The following SART1 variants were observed in gnomAD, a reference collection of about 807,000 sequenced individuals.
The protein encoded by SART1 is spliceosome associated factor 1, recruiter of U4/U6.U5 tri-snRNP.
A neutral mutation model predicts 105.0 loss-of-function variants in SART1; 28 were observed. That is an observed-to-expected ratio of 0.27 (90% CI 0.20 to 0.37). SART1 has a LOEUF of 0.37. Ranked by LOEUF, SART1 falls within the 10% of genes least tolerant of loss-of-function variation. SART1 has a pLI of 1.00. For synonymous variants in SART1, 472 were observed against 462.9 expected, an observed-to-expected ratio of 1.02 and a Z score of -0.25; for missense variants, 894 against 1,106.5, an observed-to-expected ratio of 0.81 and a Z score of 2.72.
chr11:65,962,130 C>CGGGGGTGGGGGGGGGGGGGGGG (rs2134899498), intron 1 of SART1, 37 bp downstream of exon 1: 6 of 111,086 alleles, frequency 5.4e-5, no homozygotes, highest in Middle Eastern at 2.8e-3. Flanking sequence ...GCGGGTCGGG[C>CGGGGGTGGGGGGGGGGGGGGGG]GGGGGTCCCG....
chr11:65,963,903 G>A (rs186432084), intron 1 of SART1, 171 bp from the exon 2 acceptor site: 192 of 627,590 alleles, frequency 3.1e-4, no homozygotes, highest in Non-Finnish European at 4.1e-4. Context: ...GACTGGACTC[G>A]GGCAGAGGAG....
At chr11:65,970,599 G>T (rs1386979719) in intron 12 of SART1, among the ~76,000 whole-genome samples, 2 of 142,966 alleles carry the variant, frequency 1.4e-5, no homozygotes, top group Non-Finnish European at 3.1e-5. Flanking sequence ...GGAAGTCAAG[G>T]CAGCCCATGG....
Position 65,964,141 on chromosome 11 carries a change from G to A in SART1, c.371+10G>A. On this transcript the variant is annotated intron_variant, in intron 2 of 19. Coordinates refer to ENST00000312397, the MANE Select transcript of SART1 (RefSeq NM_005146.5). ...GCATCGAGGAGACTAAGTGAGTACT[G>A]TCTCCCTTGTTTCTACTTTGTTTTT... The A allele has an allele frequency of 1.2e-6, 2 of 1,611,812 alleles. No individual in the cohort carries two copies. The highest frequency in any genetic ancestry group is 1.7e-6 in the Non-Finnish European group (2 of 1,179,090).
chr11:65,975,876 C>T (rs886679053), intron 12 of SART1, among the ~76,000 whole-genome samples: 1 of 151,850 alleles, frequency 6.6e-6, no homozygotes, highest in Non-Finnish European at 1.5e-5. Context: ...GTGTGGGGGT[C>T]GCTGGATTCA....
chr11:65,977,621 G>A lies in SART1; in HGVS notation c.2004G>A (p.Leu668=). The part of the protein sequence containing the change: ...VARVKAPNKS[L]PSAVYCIEDK... ...GGGTGAAGGCCCCCAACAAGTCGCT[G>A]CCCTCAGCCGTGTACTGCATCGAGG... The change falls in exon 16 of 20, where the codon CTG becomes CTA. Residue 668 remains leucine, a synonymous_variant. Transcript: ENST00000312397. 1 of 1,614,056 alleles carries A rather than the reference G, an allele frequency of 6.2e-7. No homozygotes were observed. The highest frequency in any genetic ancestry group is 2.2e-5 in the East Asian group (1 of 44,816).
At position 65,977,024 on chromosome 11, in the gene SART1, C is replaced by T; in HGVS notation, c.1868C>T (p.Ser623Phe). Residue 623 changes from serine (S) to phenylalanine (F), a missense_variant, in exon 15 of 20, where the codon TCC (serine) becomes TTC (phenylalanine). This residue lies in a region of SART1 where 182 missense variants were observed against 328.3 expected (regional missense o/e 0.55). Transcript: ENST00000312397. ...CCACGTGTCCCGTAGTTCTCTGCTT[C>T]CTCCACCACCATCCTGGACGAGGAA... The part of the protein sequence containing the change: ...EEKQQQDFSA[S>F]STTILDEEPI... 1 of 1,613,660 alleles carries T rather than the reference C, an allele frequency of 6.2e-7. No individual in the cohort carries two copies. Among genetic ancestry groups the T allele is most frequent in the Non-Finnish European group, 8.5e-7 (1 of 1,179,656 alleles).
At chr11:65,963,887 C>T in intron 1 of SART1, 187 bp from the exon 2 acceptor site, 1 of 615,600 alleles carries the variant, frequency 1.6e-6, no homozygotes, top group Non-Finnish European at 2.9e-6. Context: ...AGAGGCAGGG[C>T]TCTGAGACTG....
chr11:65,968,099 G>A lies in SART1; in HGVS notation c.1572+278G>A, dbSNP rs916410203. 4.9e-4 allele frequency among the ~76,000 whole-genome samples: 75 copies of A among 151,962 alleles called. 2 individuals carry two copies. Among genetic ancestry groups the A allele is most frequent in the Admixed American group, 2.3e-3 (35 of 15,262 alleles). On this transcript the variant is annotated intron_variant, in intron 12 of 19. Transcript: ENST00000312397. ...TGAGTAGCTGGGATTACAGGCGCAC[G>A]CCACCAGACCCGGCTAATTTTTATA...
rs753307748 is a variant in SART1, at chr11:65,961,880, G to A, written c.100G>A (p.Glu34Lys). The A allele has an allele frequency of 6.4e-7, 1 of 1,571,542 alleles. No homozygotes were observed. Among genetic ancestry groups the A allele is most frequent in the Non-Finnish European group, 8.6e-7 (1 of 1,159,684 alleles). ...GATEQPPRHR[E>K]HKKHKHRSGG... is the part of the protein sequence containing the mutation. ...CACCGAGCAGCCGCCGCGGCACCGGGAACACAAAAAACACAAGCACCGGAG... is the reference window on the plus strand; with the variant it reads ...CACCGAGCAGCCGCCGCGGCACCGGAAACACAAAAAACACAAGCACCGGAG... Residue 34 changes from glutamate (E) to lysine (K), a missense_variant, in exon 1 of 20, where the codon GAA becomes AAA. This residue lies in a region of SART1 where 712 missense variants were observed against 778.2 expected (regional missense o/e 0.91). Coordinates refer to ENST00000312397, the MANE Select transcript of SART1 (RefSeq NM_005146.5).
rs1434781114 is a variant in SART1 at position 65,976,301 on chromosome 11, C to T, written c.1573-94C>T. 2.0e-5 allele frequency: 27 copies of T among 1,356,454 alleles called. No individual in the cohort carries two copies. Among genetic ancestry groups the T allele is most frequent in the Non-Finnish European group, 2.5e-5 (26 of 1,022,716 alleles). The allele number at this position is 1,356,454 out of a possible 1,614,324, so 84.0% of individuals were successfully genotyped here. ...TGCATGGGCTGTGGGCGTGGCCTGT[C>T]TGGCTGCTGCCAGGGAGGACCCTTA... On this transcript the variant is annotated intron_variant, in intron 12 of 19. Coordinates refer to ENST00000312397, the MANE Select transcript of SART1 (RefSeq NM_005146.5). This position sits in a 1 kb window ranked among gnomAD's most constrained non-coding sequence, Gnocchi z 5.1.
At position 65,967,546 on chromosome 11, in the gene SART1, G is replaced by A. The variant is rs754417775; in HGVS notation, c.1389G>A (p.Ser463=). ...EKEPVPQPLP[S]DDTRVENMDI... ...AGCCTGTGCCTCAGCCCCTGCCGTC[G>A]GACGACACCCGAGTGGAGAACATGG... Residue 463 remains serine, a synonymous_variant, in exon 11 of 20, where the codon TCG becomes TCA. Transcript: ENST00000312397. The A allele has an allele frequency of 3.0e-5, 49 of 1,612,896 alleles. No homozygotes were observed. Among genetic ancestry groups the A allele is most frequent in the South Asian group, 2.6e-4 (24 of 91,056 alleles).
In SART1 at chr11:65,966,447, TGCGGGA is replaced by T. The variant is rs1375277016; in HGVS notation, c.1088_1093del (p.Arg363_Glu364del). 1.9e-6 allele frequency: 3 copies of T among 1,613,234 alleles called. No individual in the cohort carries two copies. Among genetic ancestry groups the T allele is most frequent in the African/African-American group, 2.7e-5 (2 of 74,944 alleles). On this transcript the variant is annotated inframe_deletion, in exon 9 of 20. Transcript: ENST00000312397. The stretch of plus-strand genomic sequence containing the variant: ...GAGCAGGGCGGCACGGCTGATGGCC[TGCGGGA>T]GCGGGAGCTGGAGGAGATCCGGGCC...
chr11:65,978,888 C>A lies in SART1; in HGVS notation c.2358C>A (p.Leu786=). The A allele has an allele frequency of 6.2e-7, 1 of 1,614,036 alleles. No homozygotes were observed. The highest frequency in any genetic ancestry group is 8.5e-7 in the Non-Finnish European group (1 of 1,179,984). The change falls in exon 19 of 20, where the codon CTC becomes CTA. Residue 786 remains leucine (L), a synonymous_variant. Transcript: ENST00000312397. This position sits in a 1 kb window ranked among gnomAD's most constrained non-coding sequence, Gnocchi z 6.8. ...QKAQKTPYIV[L]SGSGKSMNAN... ...CTCAGAAGACCCCCTACATCGTGCT[C>A]AGCGGCAGCGGCAAGAGCATGAACG...
In SART1 at chr11:65,964,093, C is replaced by T; in HGVS notation, c.333C>T (p.Ser111=). 6.2e-7 allele frequency: 1 copy of T among 1,612,824 alleles called. No homozygotes were observed. Among genetic ancestry groups the T allele is most frequent in the Non-Finnish European group, 8.5e-7 (1 of 1,180,004 alleles). ...GYEAAASSKT[S]SGDASSLSIE... is the part of the protein sequence containing the mutation. ...TTCCAGCTGCCAGCTCCAAAACTAG[C>T]TCAGGCGATGCCTCCTCACTCAGCA... Residue 111 remains serine (S), a synonymous_variant, in exon 2 of 20, where the codon AGC becomes AGT. Transcript: ENST00000312397.
At chr11:65,962,118 G>T (rs1408650300) in intron 1 of SART1, 25 bp downstream of exon 1, 2 of 1,105,548 alleles carry the variant, frequency 1.8e-6, no homozygotes, top group South Asian at 1.6e-5. Context: ...CCTGCGCAGG[G>T]GGCGGGTCGG....
chr11:65,975,728 G>A (rs541126436), intron 12 of SART1, among the ~76,000 whole-genome samples: 2 of 152,160 alleles, frequency 1.3e-5, no homozygotes, highest in South Asian at 4.2e-4. Flanking sequence ...ATAGTGACTC[G>A]AACCTTCACT....
chr11:65,962,168 G>C (rs946037314), intron 1 of SART1, 75 bp downstream of exon 1: 46 of 1,133,318 alleles, frequency 4.1e-5, no homozygotes, highest in African/African-American at 3.9e-4. Context: ...TGTGCGCGCA[G>C]TGTCAGCGAA....
chr11:65,977,433 G>T, intron 15 of SART1, 130 bp from the exon 16 acceptor site: 1 of 759,804 alleles, frequency 1.3e-6, no homozygotes, highest in Admixed American at 2.3e-5. Flanking sequence ...TTTGCCTGTA[G>T]AACAGGCCTG....
In SART1 at chr11:65,967,452, A is replaced by G. The variant is rs762892153; in HGVS notation, c.1314-19A>G. On this transcript the variant is annotated intron_variant, in intron 10 of 19. Coordinates refer to ENST00000312397, the MANE Select transcript of SART1 (RefSeq NM_005146.5). ...TGGCCTGGGGACCGGTGCTCACCAGAGAGGCCTCCTTCCCTCAGACTGCGG... is the reference window on the plus strand; with the variant it reads ...TGGCCTGGGGACCGGTGCTCACCAGGGAGGCCTCCTTCCCTCAGACTGCGG... 3.7e-6 allele frequency: 6 copies of G among 1,613,548 alleles called. No individual in the cohort carries two copies. In the East Asian group the frequency reaches 1.3e-4, roughly 36 times the overall value.
Sources: gnomAD v4.1 joint callset for allele counts (sites outside exome capture counted in the v4.1 genomes callset) on GRCh38, gnomAD v4.1.1 for gene constraint, gnomAD v4.1.1 regional missense constraint, Gnocchi (gnomAD v3.1) non-coding constraint, MANE v1.5 for transcripts, NCBI Gene and HGNC (gene_info 2026-07-23, HGNC 2026-07-21) for gene names.